The following FOXN3 variants were observed in gnomAD, a reference collection of about 807,000 sequenced individuals.
FOXN3 encodes the protein forkhead box protein N3.
In FOXN3, 7 loss-of-function variants were observed where a neutral mutation model predicts 38.4. The ratio of observed to expected loss-of-function variants is 0.18; its 90% CI spans 0.10 to 0.34. The LOEUF is 0.34. FOXN3 is among the 10% of genes least tolerant of loss of function. The probability of loss-of-function intolerance (pLI) is 1.00; values close to 1 mark genes in which losing one functional copy is unlikely to be tolerated. For missense variants in FOXN3, 456 were observed against 613.4 expected (o/e 0.74, Z 2.71); for synonymous variants, 230 against 242.2 (o/e 0.95, Z 0.47).
chr14:89,556,590 G>T (rs555019087), intron 1 of FOXN3, among the ~76,000 whole-genome samples: 1 of 152,162 alleles, frequency 6.6e-6, no homozygotes, highest in East Asian at 1.9e-4. Flanking sequence ...GAGAGAGAAT[G>T]AATAAATAAA....
intron 1 of FOXN3, among the ~76,000 whole-genome samples, chr14:89,597,147 AT>A (rs1158416599): frequency 3.9e-5 from 6 of 152,066 alleles, no homozygotes; most frequent in African/African-American, 1.4e-4. Flanking sequence ...GCATTCCACA[AT>A]TTTTGCTGTC....
chr14:89,186,655 G>A (rs574950462), intron 4 of FOXN3, among the ~76,000 whole-genome samples: 13 of 152,310 alleles, frequency 8.5e-5, no homozygotes, highest in African/African-American at 1.9e-4. Context: ...CCTATAGAGC[G>A]CGTGAGACAT....
At chr14:89,419,579 A>G (rs1355190474), upstream of FOXN3, 2 of 189,074 alleles carry the variant, frequency 1.1e-5, no homozygotes, top group Non-Finnish European at 2.2e-5. Flanking sequence ...TTCCTGATAG[A>G]GGACTTGATG....
chr14:89,368,607 C>T (rs1250679733), intron 2 of FOXN3, among the ~76,000 whole-genome samples: 1 of 152,188 alleles, frequency 6.6e-6, no homozygotes, highest in Non-Finnish European at 1.5e-5. Context: ...GATTGTGCCA[C>T]TGCACTCCGG....
intron 1 of FOXN3, among the ~76,000 whole-genome samples, chr14:89,521,841 A>C (rs1894325146): frequency 1.3e-5 from 2 of 152,110 alleles, no homozygotes; most frequent in Admixed American, 1.3e-4. Flanking sequence ...CCTGAACAAC[A>C]CATCAAGACC....
In FOXN3 at chr14:89,618,758, C is replaced by T. The variant is rs188501944; in HGVS notation, c.-15+270G>A. 4.0e-5 allele frequency among the ~76,000 whole-genome samples: 6 copies of T among 149,216 alleles called. No individual in the cohort carries two copies. The East Asian group carries it at 1.2e-3, about 30-fold the overall frequency. On this transcript the variant is annotated intron_variant, in intron 1 of 6. Coordinates refer to the FOXN3 transcript ENST00000345097. ...AAAAAAATTTTAAAAAGCGACTATC[C>T]ACACATTCCTAAGAAACTTTTTTTT...
At chr14:89,549,824 G>A (rs1894965101) in intron 1 of FOXN3, among the ~76,000 whole-genome samples, 1 of 152,192 alleles carries the variant, frequency 6.6e-6, no homozygotes, top group Admixed American at 6.5e-5. Flanking sequence ...TGGAGCCAGT[G>A]TTACAAATAT....
At chr14:89,546,381 G>A (rs1254745880) in intron 1 of FOXN3, among the ~76,000 whole-genome samples, 2 of 117,968 alleles carry the variant, frequency 1.7e-5, no homozygotes, top group Admixed American at 2.4e-4. Context: ...CCAGGCTGGA[G>A]TGTGGTGGCG....
rs561656622 is a variant in FOXN3 at position 89,499,943 on chromosome 14, G to C, written c.-14-87453C>G. 2.9e-3 allele frequency among the ~76,000 whole-genome samples: 437 copies of C among 152,132 alleles called. 2 individuals are homozygous for C. The highest frequency in any genetic ancestry group is 0.01 in the African/African-American group (423 of 41,500). On this transcript the variant is annotated intron_variant, in intron 1 of 6. Transcript: ENST00000345097. ...TTGCTCACCGCAACCTCCGCATCTC[G>C]GGTTCAAGTGATTCTCCTGCCTCAG...
chr14:89,432,621 T>G (rs990221023), intron 1 of FOXN3, among the ~76,000 whole-genome samples: 1 of 152,124 alleles, frequency 6.6e-6, no homozygotes, highest in Admixed American at 6.5e-5. Context: ...AAGATCCCCA[T>G]GTCCCTCTGG....
rs192554927 is a variant in FOXN3, at chr14:89,368,119, A to G, written c.544-17311T>C. On this transcript the variant is annotated intron_variant, in intron 2 of 5. Transcript: ENST00000557258. The stretch of plus-strand genomic sequence containing the variant: ...CGAGGCGGGTGAATCACTTGAGGTC[A>G]GGAGTTCGAGACCAGCCTGACCAAC... Among the ~76,000 whole-genome samples the G allele has an allele frequency of 4.3e-3, 660 of 151,874 alleles. 3 individuals carry two copies. Among genetic ancestry groups the G allele is most frequent in the African/African-American group, 0.015 (609 of 41,380 alleles).
At position 89,157,590 on chromosome 14, in the gene FOXN3, T is replaced by A. The variant is rs1260256437; in HGVS notation, c.*4824A>T. The A allele has an allele frequency of 1.3e-5, 2 of 152,656 alleles. No homozygotes were observed. Among genetic ancestry groups the A allele is most frequent in the Non-Finnish European group, 2.9e-5 (2 of 68,040 alleles). The allele number at this position is 152,656 out of a possible 1,614,324, so 9.5% of individuals were successfully genotyped here. A position where few individuals can be genotyped will look rare whatever the true frequency, so the allele number is the denominator to read the frequency against. On this transcript the variant is annotated 3_prime_UTR_variant, in exon 6 of 6. Coordinates refer to ENST00000557258, the MANE Select transcript of FOXN3 (RefSeq NM_005197.4). ...CACCACACAATGTATATACTTTGAT[T>A]TACACATTCCGTTACAAAGGAAAAA... is the stretch of plus-strand genomic sequence containing the variant.
At chr14:89,295,634 C>G (rs1887011324) in intron 3 of FOXN3, among the ~76,000 whole-genome samples, 1 of 152,032 alleles carries the variant, frequency 6.6e-6, no homozygotes, top group Non-Finnish European at 1.5e-5. Context: ...GTCACCCAGG[C>G]TGGAGTGCAG....
chr14:89,226,450 A>AT (rs915772845), intron 4 of FOXN3, among the ~76,000 whole-genome samples: 1 of 152,014 alleles, frequency 6.6e-6, no homozygotes, highest in Non-Finnish European at 1.5e-5. Context: ...TAAGTTTTAA[A>AT]TTTTTTGTAG....
intron 1 of FOXN3, among the ~76,000 whole-genome samples, chr14:89,599,555 TA>T (rs1298162173): frequency 2.0e-5 from 3 of 147,074 alleles, no homozygotes; most frequent in East Asian, 3.9e-4. Context: ...CCAATTTGTT[TA>T]TTTTTTATTG....
intron 4 of FOXN3, among the ~76,000 whole-genome samples, chr14:89,182,241 G>A (rs893239786): frequency 6.6e-6 from 1 of 152,160 alleles, no homozygotes; most frequent in Non-Finnish European, 1.5e-5. Context: ...TTCAAACCTT[G>A]AATCAAACAT....
At chr14:89,474,626 G>A (rs1893172697) in intron 1 of FOXN3, among the ~76,000 whole-genome samples, 2 of 152,090 alleles carry the variant, frequency 1.3e-5, no homozygotes, top group South Asian at 4.1e-4. Flanking sequence ...AAACATCTCT[G>A]CTCAAGCTGT....
chr14:89,496,329 C>T (rs1566675445), intron 1 of FOXN3, among the ~76,000 whole-genome samples: 1 of 151,770 alleles, frequency 6.6e-6, no homozygotes, highest in African/African-American at 2.4e-5. Flanking sequence ...GCAAATCCTC[C>T]TCTTTGACCT....
At chr14:89,380,176 G>C (rs879529639) in intron 2 of FOXN3, among the ~76,000 whole-genome samples, 10 of 152,224 alleles carry the variant, frequency 6.6e-5, no homozygotes, top group Non-Finnish European at 1.0e-4. Flanking sequence ...ACTGTTCTGT[G>C]ATAGTGAATA....
Sources: gnomAD v4.1 joint callset for allele counts (sites outside exome capture counted in the v4.1 genomes callset) on GRCh38, gnomAD v4.1.1 for gene constraint, MANE v1.5 for transcripts, NCBI Gene and HGNC (gene_info 2026-07-23, HGNC 2026-07-21) for gene names.